Variants in XIRP2 observed in about 807,000 individuals in gnomAD.
XIRP2 encodes xin actin-binding repeat-containing protein 2.
In XIRP2, 236 loss-of-function variants were observed where a neutral mutation model predicts 277.0. The ratio of observed to expected loss-of-function variants is 0.85; its 90% CI spans 0.77 to 0.95. XIRP2 has a LOEUF of 0.95. Among genes scored for constraint, XIRP2 ranks in the 40% least tolerant of loss-of-function variants. XIRP2 has a pLI of 0.00. For missense variants in XIRP2, 4,640 were observed against 4,157.5 expected (o/e 1.12, Z -3.19); for synonymous variants, 1,490 against 1,416.5 (o/e 1.05, Z -1.17).
At chr2:167,162,152 A>G (rs1317048631) in intron 3 of XIRP2, among the ~76,000 whole-genome samples, 1 of 152,206 alleles carries the variant, frequency 6.6e-6, no homozygotes, top group East Asian at 1.9e-4. Context: ...AAAGCCATTC[A>G]ACAAGTCTCT....
chr2:167,180,200 G>A (rs1178309705), intron 3 of XIRP2, among the ~76,000 whole-genome samples: 2 of 152,082 alleles, frequency 1.3e-5, no homozygotes, highest in African/African-American at 4.8e-5. Flanking sequence ...GGCATATCCA[G>A]ATGTCTTGAG....
rs926418645 is a variant in XIRP2 at position 167,240,556 on chromosome 2, C to T, written c.970-108C>T. 2.5e-5 allele frequency: 22 copies of T among 893,092 alleles called. No homozygotes were observed. The African/African-American group carries it at 3.0e-4, about 12-fold the overall frequency. 55.3% of individuals were successfully genotyped at this position (893,092 alleles called of 1,614,324 possible). On this transcript the variant is annotated intron_variant, in intron 6 of 10. Transcript: ENST00000409195. ...AGCTTAATTAGCATCTCTCAATGTA[C>T]ACTAAAGTCTTGGGTGAAAATCACT... is the stretch of plus-strand genomic sequence containing the variant.
chr2:167,006,640 A>T (rs1429416580), intron 2 of XIRP2, among the ~76,000 whole-genome samples: 1 of 151,752 alleles, frequency 6.6e-6, no homozygotes, highest in Non-Finnish European at 1.5e-5. Flanking sequence ...GCCAGAGAAG[A>T]ACATGTAAAA....
intron 2 of XIRP2, among the ~76,000 whole-genome samples, chr2:167,105,377 A>G (rs1245941284): frequency 2.0e-5 from 3 of 151,848 alleles, no homozygotes; most frequent in Non-Finnish European, 4.4e-5. Flanking sequence ...TAATTTTGTT[A>G]TTTTAAGAAT....
At chr2:166,954,918 AG>A (rs907688068) in intron 2 of XIRP2, among the ~76,000 whole-genome samples, 1 of 151,724 alleles carries the variant, frequency 6.6e-6, no homozygotes, top group African/African-American at 2.4e-5. Context: ...CTGTTGCAGG[AG>A]GGTAGGGAGG....
At chr2:167,222,148 C>A (rs888484669) in intron 5 of XIRP2, among the ~76,000 whole-genome samples, 3 of 152,076 alleles carry the variant, frequency 2.0e-5, no homozygotes, top group African/African-American at 7.2e-5. Flanking sequence ...AAGGGCAGTT[C>A]TGAAATAGAA....
At chr2:167,130,428 G>A (rs962855772) in intron 2 of XIRP2, among the ~76,000 whole-genome samples, 2 of 151,834 alleles carry the variant, frequency 1.3e-5, no homozygotes, top group African/African-American at 2.4e-5. Flanking sequence ...GAGTTCCTAG[G>A]TTTCCTCCTA....
intron 2 of XIRP2, among the ~76,000 whole-genome samples, chr2:167,079,445 G>A (rs1393588352): frequency 6.6e-6 from 1 of 152,182 alleles, no homozygotes; most frequent in Non-Finnish European, 1.5e-5. Context: ...GAATTCGGCT[G>A]TGAATTCCTT....
At chr2:166,951,278 T>C (rs1686024646) in intron 2 of XIRP2, among the ~76,000 whole-genome samples, 1 of 152,026 alleles carries the variant, frequency 6.6e-6, no homozygotes, top group Admixed American at 6.6e-5. Flanking sequence ...TGGCTCATGG[T>C]TCTGCAGGCT....
chr2:167,019,791 G>A lies in XIRP2; in HGVS notation c.408+115901G>A, dbSNP rs191304752. Among the ~76,000 whole-genome samples the A allele has an allele frequency of 3.3e-5, 5 of 152,050 alleles. No homozygotes were observed. In the East Asian group the frequency reaches 5.8e-4, roughly 18 times the overall value. Reference sequence around the variant, plus strand: ...TATCAGTAAAAGAGATACACTCTTCGAGGGTTATAAATTCCTCAAGTTGTT... The same window carrying A: ...TATCAGTAAAAGAGATACACTCTTCAAGGGTTATAAATTCCTCAAGTTGTT... On this transcript the variant is annotated intron_variant, in intron 2 of 10. Transcript: ENST00000409195.
At chr2:167,233,236 G>T (rs1429397615) in intron 5 of XIRP2, among the ~76,000 whole-genome samples, 1 of 151,846 alleles carries the variant, frequency 6.6e-6, no homozygotes, top group Non-Finnish European at 1.5e-5. Flanking sequence ...GTGTAGTGAG[G>T]AATAATTGAG....
At chr2:167,181,837 G>C (rs1693017959) in intron 3 of XIRP2, among the ~76,000 whole-genome samples, 1 of 152,130 alleles carries the variant, frequency 6.6e-6, no homozygotes, top group Non-Finnish European at 1.5e-5. Flanking sequence ...GTGTGCTCCA[G>C]TGGTGAGTCA....
At chr2:167,162,950 C>T (rs1465863037) in intron 3 of XIRP2, among the ~76,000 whole-genome samples, 1 of 152,164 alleles carries the variant, frequency 6.6e-6, no homozygotes, top group Non-Finnish European at 1.5e-5. Flanking sequence ...TCTCCTTGTA[C>T]TCAGCATATT....
intron 3 of XIRP2, among the ~76,000 whole-genome samples, chr2:167,188,890 C>CA (rs1322729666): frequency 6.6e-6 from 1 of 152,146 alleles, no homozygotes; most frequent in Admixed American, 6.6e-5. Context: ...TAAAATGAGA[C>CA]ATTCTTTAAT....
intron 2 of XIRP2, among the ~76,000 whole-genome samples, chr2:166,984,275 G>A (rs1486130664): frequency 4.6e-5 from 7 of 152,038 alleles, no homozygotes; most frequent in African/African-American, 1.7e-4. Context: ...TTTTCTACAA[G>A]GTGTCTCATA....
intron 2 of XIRP2, among the ~76,000 whole-genome samples, chr2:167,089,013 G>A (rs1690062267): frequency 6.6e-6 from 1 of 152,060 alleles, no homozygotes; most frequent in African/African-American, 2.4e-5. Flanking sequence ...CAAATGTTTG[G>A]TAAATAAATG....
At chr2:167,168,878 T>G (rs1559005289) in intron 3 of XIRP2, among the ~76,000 whole-genome samples, 1 of 152,198 alleles carries the variant, frequency 6.6e-6, no homozygotes. Context: ...CCTCCCAAAG[T>G]GCATTACCTA....
Position 167,242,934 on chromosome 2 carries a change from A to T in XIRP2, c.1542A>T (p.Glu514Asp). 2 of 1,613,608 alleles carry T rather than the reference A, an allele frequency of 1.2e-6. No individual in the cohort carries two copies. The highest frequency in any genetic ancestry group is 1.7e-6 in the Non-Finnish European group (2 of 1,179,888). Residue 514 changes from glutamate to aspartate, a missense_variant, in exon 9 of 11, where the codon GAA becomes GAT. Physicochemically the swap from Glu to Asp is conservative, Grantham distance 45. Transcript: ENST00000409195. ...HIHPELRKNLEKDYISEVSEI... is the reference protein window; with the variant it reads ...HIHPELRKNLDKDYISEVSEI... ...ATCCTGAGTTAAGAAAAAACTTAGA[A>T]AAAGATTATATCAGTGAAGTTTCTG...
intron 4 of XIRP2, among the ~76,000 whole-genome samples, chr2:167,214,276 AGAGGGAGG>A (rs200168568): frequency 0.059 from 3,359 of 56,958 alleles, 428 homozygotes; most frequent in African/African-American, 0.19. Context: ...AGAGAGAAAG[AGAGGGAGG>A]GAGGGAGGGA....
Sources: gnomAD v4.1 joint callset for allele counts (sites outside exome capture counted in the v4.1 genomes callset) on GRCh38, gnomAD v4.1.1 for gene constraint, MANE v1.5 for transcripts, NCBI Gene and HGNC (gene_info 2026-07-23, HGNC 2026-07-21) for gene names.